Variants in ATP9A observed in about 807,000 individuals in gnomAD.
ATP9A encodes ATPase phospholipid transporting 9A.
ATP9A carries 52 observed loss-of-function variants against 144.1 expected under a neutral mutation model. That is an observed-to-expected ratio of 0.36 (90% confidence interval 0.29 to 0.45). The LOEUF is 0.45. Among genes scored for constraint, ATP9A ranks in the 20% least tolerant of loss-of-function variants. ATP9A has a pLI of 1.00. For synonymous variants in ATP9A, 582 were observed against 557.4 expected, an observed-to-expected ratio of 1.04 and a Z score of -0.62; for missense variants, 947 against 1,392.7, an observed-to-expected ratio of 0.68 and a Z score of 5.09.
intron 1 of ATP9A, among the ~76,000 whole-genome samples, chr20:51,759,951 C>T (rs6096564): frequency 6.6e-6 from 1 of 152,144 alleles, no homozygotes; most frequent in Non-Finnish European, 1.5e-5. Flanking sequence ...TTGCTCCTCC[C>T]TGCCCCGCCC....
At chr20:51,614,508 C>T (rs561135984) in intron 22 of ATP9A, among the ~76,000 whole-genome samples, 21 of 151,974 alleles carry the variant, frequency 1.4e-4, no homozygotes, top group African/African-American at 4.3e-4. Context: ...TCCATGTTGC[C>T]GAGTTTGGTC....
chr20:51,690,191 C>T (rs929444076), intron 8 of ATP9A, among the ~76,000 whole-genome samples: 15 of 146,024 alleles, frequency 1.0e-4, no homozygotes, highest in East Asian at 8.3e-4. Flanking sequence ...GAGGCCAAGG[C>T]GGGCGGATCA....
intron 4 of ATP9A, among the ~76,000 whole-genome samples, chr20:51,701,357 G>A (rs2077592479): frequency 6.6e-6 from 1 of 152,124 alleles, no homozygotes; most frequent in South Asian, 2.1e-4. Flanking sequence ...TTTTTCACAT[G>A]AATTGTTTTT....
At chr20:51,602,502 C>A (rs937022248) in intron 27 of ATP9A, among the ~76,000 whole-genome samples, 4 of 152,248 alleles carry the variant, frequency 2.6e-5, no homozygotes, top group African/African-American at 9.6e-5. Context: ...TACTAGGTCT[C>A]ACAAAACGCT....
rs537171404 is a variant in ATP9A, at chr20:51,729,564, G to A, written c.213+270C>T. On this transcript the variant is annotated intron_variant, in intron 2 of 27. Coordinates refer to ENST00000338821, the MANE Select transcript of ATP9A (RefSeq NM_006045.3). ...GTTCAAGACCGGCCTGGCCAACATG[G>A]TGAAACCCCATCTCTACTAAAAATA... 2.6e-5 allele frequency among the ~76,000 whole-genome samples: 4 copies of A among 152,222 alleles called. No homozygotes were observed. In the East Asian group the frequency reaches 5.8e-4, roughly 22 times the overall value.
At chr20:51,637,991 T>C (rs1244013345) in intron 15 of ATP9A, among the ~76,000 whole-genome samples, 1 of 146,758 alleles carries the variant, frequency 6.8e-6, no homozygotes, top group African/African-American at 2.5e-5. Context: ...TTCACTTAGA[T>C]AATAGTCCCC....
chr20:51,688,999 C>T, intron 9 of ATP9A, 65 bp downstream of exon 9: 1 of 1,537,958 alleles, frequency 6.5e-7, no homozygotes, highest in Non-Finnish European at 9.0e-7. Context: ...GATGATTATT[C>T]TAATTACAAA....
chr20:51,628,241 T>C (rs1366292928), intron 16 of ATP9A, among the ~76,000 whole-genome samples: 3 of 152,070 alleles, frequency 2.0e-5, no homozygotes, highest in Non-Finnish European at 4.4e-5. Flanking sequence ...AAATGTAAAT[T>C]CCCCCTAGAG....
intron 4 of ATP9A, among the ~76,000 whole-genome samples, chr20:51,701,036 G>A (rs986568874): frequency 4.6e-5 from 7 of 152,080 alleles, no homozygotes; most frequent in East Asian, 1.9e-4. Context: ...GGCCCTCAGC[G>A]CCAATGAACT....
At chr20:51,728,484 C>T (rs866180842) in intron 2 of ATP9A, among the ~76,000 whole-genome samples, 2 of 151,966 alleles carry the variant, frequency 1.3e-5, no homozygotes, top group South Asian at 2.1e-4. Flanking sequence ...AAAAATTAGC[C>T]GGGCGTGGTG....
intron 8 of ATP9A, among the ~76,000 whole-genome samples, chr20:51,689,993 T>G (rs2077539900): frequency 6.7e-6 from 1 of 149,846 alleles, no homozygotes; most frequent in African/African-American, 2.5e-5. Flanking sequence ...ACACCTGGAA[T>G]CCCAGCTACT....
At position 51,601,709 on chromosome 20, in the gene ATP9A, C is replaced by T. The variant is rs536251124; in HGVS notation, c.3008-362G>A. Among the ~76,000 whole-genome samples, 15 of 152,210 alleles carry T rather than the reference C, an allele frequency of 9.9e-5. No individual in the cohort carries two copies. In the South Asian group the frequency reaches 2.7e-3, roughly 27 times the overall value. Reference sequence around the variant, plus strand: ...AGAATTGAACCCAGGAGTTTGAGACCAGCTTGGGCAACACAGCAAAACCCT... The same window carrying T: ...AGAATTGAACCCAGGAGTTTGAGACTAGCTTGGGCAACACAGCAAAACCCT... On this transcript the variant is annotated intron_variant, in intron 27 of 27. Coordinates refer to ENST00000338821, the MANE Select transcript of ATP9A (RefSeq NM_006045.3).
chr20:51,729,705 A>T, intron 2 of ATP9A, 129 bp downstream of exon 2: 2 of 1,087,520 alleles, frequency 1.8e-6, no homozygotes, highest in South Asian at 5.3e-5. Context: ...AGATTGCGCC[A>T]CTGCACTCCA....
At chr20:51,653,104 C>T (rs1434612804) in intron 14 of ATP9A, among the ~76,000 whole-genome samples, 1 of 119,260 alleles carries the variant, frequency 8.4e-6, no homozygotes, top group Admixed American at 9.0e-5. Flanking sequence ...AGCAAGACTC[C>T]GTCTCAAAAA....
intron 4 of ATP9A, among the ~76,000 whole-genome samples, chr20:51,702,018 G>T (rs2077595319): frequency 6.6e-6 from 1 of 151,644 alleles, no homozygotes; most frequent in Admixed American, 6.6e-5. Flanking sequence ...AGTTAAATTA[G>T]GCCAGGCGTG....
rs767322084 is a variant in ATP9A, at chr20:51,657,167, T to C, written c.1294-17A>G. On this transcript the variant is annotated splice_polypyrimidine_tract_variant and intron_variant, in intron 13 of 27. Coordinates refer to ENST00000338821, the MANE Select transcript of ATP9A (RefSeq NM_006045.3). Reference sequence around the variant, plus strand: ...CTGGGATTGCTACAGGAAGGAGAAATGAACAAGGAAGATGACCAGAGGCAG... The same window carrying C: ...CTGGGATTGCTACAGGAAGGAGAAACGAACAAGGAAGATGACCAGAGGCAG... 8 of 1,599,602 alleles carry C rather than the reference T, an allele frequency of 5.0e-6. No homozygotes were observed. The highest frequency in any genetic ancestry group is 1.3e-5 in the African/African-American group (1 of 74,480).
At chr20:51,714,886 C>T (rs1209541632) in intron 3 of ATP9A, among the ~76,000 whole-genome samples, 1 of 152,192 alleles carries the variant, frequency 6.6e-6, no homozygotes, top group Non-Finnish European at 1.5e-5. Flanking sequence ...TTGGGAACCC[C>T]AACTCATAAT....
In ATP9A at chr20:51,600,279, G is replaced by A. The variant is rs901248546; in HGVS notation, c.*932C>T. The A allele has an allele frequency of 6.6e-6, 1 of 152,214 alleles. No homozygotes were observed. The allele number at this position is 152,214 out of a possible 1,614,324, so 9.4% of individuals were successfully genotyped here. A position where few individuals can be genotyped will look rare whatever the true frequency, so the allele number is the denominator to read the frequency against. ...CCCCTGACCTTTCCGCTTTGGTCTTGGAGGATCTGAGTCACATCTGCCATG... is the reference window on the plus strand; with the variant it reads ...CCCCTGACCTTTCCGCTTTGGTCTTAGAGGATCTGAGTCACATCTGCCATG... On this transcript the variant is annotated 3_prime_UTR_variant, in exon 28 of 28. Coordinates refer to ENST00000338821, the MANE Select transcript of ATP9A (RefSeq NM_006045.3).
In ATP9A at chr20:51,601,101, G is replaced by C. The variant is rs2077140845; in HGVS notation, c.*110C>G. 5 of 1,334,864 alleles carry C rather than the reference G, an allele frequency of 3.7e-6. No homozygotes were observed. The highest frequency in any genetic ancestry group is 5.1e-6 in the Non-Finnish European group (5 of 988,030). The allele number at this position is 1,334,864 out of a possible 1,614,324, so 82.7% of individuals were successfully genotyped here. The stretch of plus-strand genomic sequence containing the variant: ...GAGCCACTTCCCATTAAAACTGCAT[G>C]TGTTAGCAATTACTGCAAAATCCAC... On this transcript the variant is annotated 3_prime_UTR_variant, in exon 28 of 28. Transcript: ENST00000338821.
Sources: gnomAD v4.1 joint callset for allele counts (sites outside exome capture counted in the v4.1 genomes callset) on GRCh38, gnomAD v4.1.1 for gene constraint, MANE v1.5 for transcripts, NCBI Gene and HGNC (gene_info 2026-07-23, HGNC 2026-07-21) for gene names.